NLGN4Y: variants seen among roughly 807,000 people sequenced by gnomAD.
NLGN4Y encodes the protein neuroligin-4, Y-linked.
In NLGN4Y, 4 loss-of-function variants were observed where a neutral mutation model predicts 8.4. The observed-to-expected ratio is 0.48, with a 90% confidence interval of 0.23 to 1.09. NLGN4Y has a LOEUF of 1.09. Ranked by LOEUF, NLGN4Y falls within the 50% of genes least tolerant of loss-of-function variation. The pLI, the probability that NLGN4Y is intolerant of heterozygous loss-of-function variation, is 0.19. For missense variants in NLGN4Y, 90 were observed against 192.3 expected (o/e 0.47, Z 3.15); for synonymous variants, 35 against 75.6 (o/e 0.46, Z 2.78).
chrY:14,561,677 A>G, intron 1 of NLGN4Y, among the ~76,000 whole-genome samples: 1 of 33,639 alleles, frequency 3.0e-5, no homozygotes, highest in Admixed American at 2.7e-4. Flanking sequence ...ACTAATTTAT[A>G]CTTCCACCAA....
intron 5 of NLGN4Y, among the ~76,000 whole-genome samples, chrY:14,827,956 G>T: frequency 3.0e-5 from 1 of 33,024 alleles, no homozygotes; most frequent in Non-Finnish European, 7.4e-5. Flanking sequence ...AAAGTTATTA[G>T]AAACCATATG....
intron 2 of NLGN4Y, among the ~76,000 whole-genome samples, chrY:14,677,843 C>A (rs928579000): frequency 5.3e-4 from 17 of 32,267 alleles, no homozygotes; most frequent in Non-Finnish European, 1.1e-3. Context: ...CCCACCTTAG[C>A]CTTCCGAGTA....
intron 2 of NLGN4Y, among the ~76,000 whole-genome samples, chrY:14,692,505 T>A: frequency 3.0e-5 from 1 of 32,897 alleles, no homozygotes; most frequent in South Asian, 6.8e-4. Flanking sequence ...TAGAGGCCAC[T>A]GAATTCCTTT....
chrY:14,667,741 T>C, intron 2 of NLGN4Y, among the ~76,000 whole-genome samples: 1 of 33,876 alleles, frequency 3.0e-5, no homozygotes, highest in Non-Finnish European at 7.3e-5. Flanking sequence ...GGGTGTGCAG[T>C]CATTAACAGG....
intron 1 of NLGN4Y, among the ~76,000 whole-genome samples, chrY:14,617,002 A>T (rs2080491246): frequency 3.1e-5 from 1 of 32,222 alleles, no homozygotes; most frequent in Non-Finnish European, 7.6e-5. Flanking sequence ...ATCCTTGTTA[A>T]CCTCCTGTTT....
intron 2 of NLGN4Y, among the ~76,000 whole-genome samples, chrY:14,694,294 A>T (rs748329946): frequency 2.9e-5 from 1 of 34,236 alleles, no homozygotes; most frequent in East Asian, 7.9e-4. Context: ...AAGCTTTCTC[A>T]GTAAAGCATG....
chrY:14,640,160 C>T, intron 2 of NLGN4Y: 3 of 116,994 alleles, frequency 2.6e-5, no homozygotes, highest in South Asian at 8.2e-5. Flanking sequence ...GGTTTGAAAC[C>T]GCAAGCTGCA....
intron 4 of NLGN4Y, among the ~76,000 whole-genome samples, chrY:14,788,554 A>G (rs915304056): frequency 1.8e-4 from 6 of 32,761 alleles, no homozygotes; most frequent in Admixed American, 1.7e-3. Flanking sequence ...AATCTCTCCA[A>G]CTACCTTTTC....
chrY:14,752,736 A>G, intron 4 of NLGN4Y, among the ~76,000 whole-genome samples: 1 of 34,030 alleles, frequency 2.9e-5, no homozygotes, highest in South Asian at 6.4e-4. Flanking sequence ...CAACTTGTGA[A>G]ACTCTTGTAT....
intron 2 of NLGN4Y, among the ~76,000 whole-genome samples, chrY:14,694,608 C>T: frequency 3.0e-5 from 1 of 33,450 alleles, no homozygotes; most frequent in Admixed American, 2.8e-4. Context: ...GAGGTGCTTG[C>T]TGCAGCTCTG....
At chrY:14,769,366 G>A (rs901265211) in intron 4 of NLGN4Y, among the ~76,000 whole-genome samples, 1 of 33,074 alleles carries the variant, frequency 3.0e-5, no homozygotes, top group Non-Finnish European at 7.4e-5. Flanking sequence ...GGACAACATA[G>A]TCACTACTGC....
intron 2 of NLGN4Y, among the ~76,000 whole-genome samples, chrY:14,691,877 A>G: frequency 3.0e-5 from 1 of 33,219 alleles, no homozygotes; most frequent in South Asian, 6.6e-4. Flanking sequence ...TTATATTGAA[A>G]ATATTTTTAG....
intron 2 of NLGN4Y, among the ~76,000 whole-genome samples, chrY:14,710,288 G>T (rs2080895564): frequency 3.0e-5 from 1 of 33,567 alleles, no homozygotes; most frequent in Non-Finnish European, 7.4e-5. Context: ...CGAGGTGGCA[G>T]AATCACTTGA....
chrY:14,767,903 C>T (rs2081096777), intron 4 of NLGN4Y, among the ~76,000 whole-genome samples: 1 of 33,744 alleles, frequency 3.0e-5, no homozygotes, highest in Non-Finnish European at 7.4e-5. Flanking sequence ...GCCCTACATT[C>T]AGATGTTGAC....
intron 1 of NLGN4Y, among the ~76,000 whole-genome samples, chrY:14,621,565 G>A: frequency 3.0e-5 from 1 of 33,477 alleles, no homozygotes; most frequent in Non-Finnish European, 7.4e-5. Context: ...TGACTGACGC[G>A]TGTTATCCCA....
At chrY:14,829,029 C>A (rs546072886) in intron 5 of NLGN4Y, among the ~76,000 whole-genome samples, 7 of 31,040 alleles carry the variant, frequency 2.3e-4, no homozygotes, top group Admixed American at 1.2e-3. Flanking sequence ...AAAAAAAAAA[C>A]AAAAACAAAA....
chrY:14,577,845 T>C (rs749168256), intron 1 of NLGN4Y, among the ~76,000 whole-genome samples: 27 of 34,203 alleles, frequency 7.9e-4, no homozygotes, highest in African/African-American at 3.1e-3. Context: ...TTGTATCTCA[T>C]TGTGGTTTTG....
At chrY:14,630,201 T>G in intron 2 of NLGN4Y, among the ~76,000 whole-genome samples, 1 of 33,739 alleles carries the variant, frequency 3.0e-5, no homozygotes, top group Admixed American at 2.7e-4. Context: ...GCACGGTATA[T>G]TAACAGAAGC....
chrY:14,813,569 G>T, intron 4 of NLGN4Y, among the ~76,000 whole-genome samples: 1 of 33,186 alleles, frequency 3.0e-5, no homozygotes, highest in African/African-American at 1.2e-4. Flanking sequence ...AGATGTTAAT[G>T]GTCCCAGTGG....
Sources: allele counts gnomAD v4.1 joint callset (sites outside exome capture counted in the v4.1 genomes callset), GRCh38; gene constraint gnomAD v4.1.1; transcripts MANE v1.5; gene names NCBI Gene and HGNC (gene_info 2026-07-23, HGNC 2026-07-21).